The following KIF26B variants were observed in gnomAD, a reference collection of about 807,000 sequenced individuals.
The protein encoded by KIF26B is kinesin family member 26B.
In KIF26B, 63 loss-of-function variants were observed where a neutral mutation model predicts 151.2. That is an observed-to-expected ratio of 0.42 (90% CI 0.34 to 0.51). The LOEUF (loss-of-function observed/expected upper bound fraction) is 0.51. Ranked by LOEUF, KIF26B falls within the 20% of genes least tolerant of loss-of-function variation. KIF26B has a pLI of 0.07. For missense variants in KIF26B, 2,813 were observed against 2,913.6 expected (o/e 0.97, Z 0.79); for synonymous variants, 1,357 against 1,262.1 (o/e 1.08, Z -1.59).
chr1:245,593,399 CT>C (rs1180954301), intron 5 of KIF26B, among the ~76,000 whole-genome samples: 1 of 151,952 alleles, frequency 6.6e-6, no homozygotes, highest in Non-Finnish European at 1.5e-5. Flanking sequence ...TCAACTCCCA[CT>C]TATGAGTGAG....
intron 2 of KIF26B, among the ~76,000 whole-genome samples, chr1:245,196,444 T>C (rs1406328377): frequency 6.6e-6 from 1 of 152,216 alleles, no homozygotes; most frequent in African/African-American, 2.4e-5. Context: ...AGCCCTTCCC[T>C]GGCTCTCCTG....
chr1:245,469,887 A>G (rs780533153), intron 4 of KIF26B, among the ~76,000 whole-genome samples: 10 of 152,152 alleles, frequency 6.6e-5, no homozygotes, highest in Admixed American at 4.6e-4. Flanking sequence ...TGATTGCACA[A>G]TTAAACAGGT....
intron 4 of KIF26B, among the ~76,000 whole-genome samples, chr1:245,480,509 C>T (rs1265773349): frequency 2.0e-5 from 3 of 151,748 alleles, no homozygotes; most frequent in African/African-American, 7.2e-5. Context: ...GTGACATAAA[C>T]AGGCCCTCGT....
At chr1:245,492,504 G>T (rs946460274) in intron 4 of KIF26B, among the ~76,000 whole-genome samples, 2 of 152,146 alleles carry the variant, frequency 1.3e-5, no homozygotes, top group African/African-American at 4.8e-5. Flanking sequence ...GGGTAAATTG[G>T]GCTAAAACAA....
chr1:245,666,591 T>C (rs2044218034), intron 10 of KIF26B, among the ~76,000 whole-genome samples: 1 of 152,064 alleles, frequency 6.6e-6, no homozygotes, highest in South Asian at 2.1e-4. Flanking sequence ...TGCAAAGGAA[T>C]GAGGATGGGA....
intron 10 of KIF26B, among the ~76,000 whole-genome samples, chr1:245,682,404 CTGTA>C (rs2044452224): frequency 6.6e-6 from 1 of 152,178 alleles, no homozygotes; most frequent in Non-Finnish European, 1.5e-5. Flanking sequence ...CAAGAGCTGA[CTGTA>C]TATGATCACA....
intron 2 of KIF26B, among the ~76,000 whole-genome samples, chr1:245,210,528 TGTATTTGGATTATATTGTGGGA>T (rs1669498138): frequency 6.8e-6 from 1 of 148,102 alleles, no homozygotes. Context: ...TTTTTTTTAC[TGTATTTGGATTATATTGTGGGA>T]TTTTTTTCCC....
At chr1:245,323,853 G>A (rs1029104887) in intron 2 of KIF26B, among the ~76,000 whole-genome samples, 1 of 152,208 alleles carries the variant, frequency 6.6e-6, no homozygotes, top group Non-Finnish European at 1.5e-5. Context: ...TGAAGGTGGA[G>A]TTGGTGTGGA....
chr1:245,170,159 G>A lies in KIF26B; in HGVS notation c.465+13476G>A, dbSNP rs190661519. Among the ~76,000 whole-genome samples, 209 of 152,306 alleles carry A rather than the reference G, an allele frequency of 1.4e-3. No individual in the cohort carries two copies. The highest frequency in any genetic ancestry group is 1.9e-3 in the Non-Finnish European group (128 of 68,020). On this transcript the variant is annotated intron_variant, in intron 2 of 14. Coordinates refer to ENST00000407071, the MANE Select transcript of KIF26B (RefSeq NM_018012.4). The surrounding 1 kb of genome is among the most constrained non-coding windows in gnomAD (Gnocchi z 4.4). The stretch of plus-strand genomic sequence containing the variant: ...TGGCGGGATGGGAGATGATGCCTGG[G>A]TGAGTCCTGGAAAGTGCCGTGATGC...
chr1:245,287,358 CTGTT>C (rs1321794913), intron 2 of KIF26B, among the ~76,000 whole-genome samples: 1 of 152,020 alleles, frequency 6.6e-6, no homozygotes, highest in Non-Finnish European at 1.5e-5. Context: ...CAATTGGACA[CTGTT>C]TGCATATTGT....
At chr1:245,212,729 C>A (rs944403189) in intron 2 of KIF26B, among the ~76,000 whole-genome samples, 40 of 152,326 alleles carry the variant, frequency 2.6e-4, no homozygotes, top group African/African-American at 9.1e-4. Flanking sequence ...GCGGCACCGT[C>A]GGGCCCCGAG....
At chr1:245,619,608 A>G (rs2043636506) in intron 9 of KIF26B, among the ~76,000 whole-genome samples, 1 of 149,768 alleles carries the variant, frequency 6.7e-6, no homozygotes, top group Admixed American at 6.6e-5. Context: ...TGTTTCAAAA[A>G]AAAAAAAAAA....
At position 245,572,319 on chromosome 1, in the gene KIF26B, C is replaced by T. The variant is rs72762874; in HGVS notation, c.1351-30258C>T. Among the ~76,000 whole-genome samples, 13 of 152,216 alleles carry T rather than the reference C, an allele frequency of 8.5e-5. No homozygotes were observed. Among genetic ancestry groups the T allele is most frequent in the Admixed American group, 2.6e-4 (4 of 15,288 alleles). ...GGAGGTAGACGTGCTTTTGTGTTTC[C>T]GACACTGAGGACATTGAGGTTCTGG... On this transcript the variant is annotated intron_variant, in intron 5 of 14. Coordinates refer to ENST00000407071, the MANE Select transcript of KIF26B (RefSeq NM_018012.4). The surrounding 1 kb of genome is among the most constrained non-coding windows in gnomAD (Gnocchi z 4.2).
At chr1:245,383,926 C>T (rs772484440) in intron 3 of KIF26B, among the ~76,000 whole-genome samples, 70 of 152,260 alleles carry the variant, frequency 4.6e-4, no homozygotes, top group Non-Finnish European at 9.4e-4. Context: ...CTAAAACTTG[C>T]GGAACGTGTA....
Position 245,283,922 on chromosome 1 carries a change from G to A in KIF26B, c.466-82912G>A, listed in dbSNP as rs542024355. On this transcript the variant is annotated intron_variant, in intron 2 of 14. Coordinates refer to ENST00000407071, the MANE Select transcript of KIF26B (RefSeq NM_018012.4). The stretch of plus-strand genomic sequence containing the variant: ...AGGCTTGTCTCGAACTCCTGACCTT[G>A]TGATCTGCCTGCCTTGGCCTCCCAC... 2.6e-5 allele frequency among the ~76,000 whole-genome samples: 4 copies of A among 152,260 alleles called. No homozygotes were observed. The South Asian group carries it at 8.3e-4, about 32-fold the overall frequency.
At chr1:245,357,573 C>T (rs564019580) in intron 2 of KIF26B, among the ~76,000 whole-genome samples, 1 of 152,284 alleles carries the variant, frequency 6.6e-6, no homozygotes, top group African/African-American at 2.4e-5. Context: ...AAAGCGTACA[C>T]TTTGATATTT....
In KIF26B at chr1:245,239,795, C is replaced by G. The variant is rs1480390014; in HGVS notation, c.465+83112C>G. On this transcript the variant is annotated intron_variant, in intron 2 of 14. Transcript: ENST00000407071. This position sits in a 1 kb window ranked among gnomAD's most constrained non-coding sequence, Gnocchi z 4.3. The stretch of plus-strand genomic sequence containing the variant: ...ACAGGCATGAGCCATTGTGTCCTGA[C>G]CAGTAAAATGATTTTCTGAATGTTT... Among the ~76,000 whole-genome samples, 1 of 152,008 alleles carries G rather than the reference C, an allele frequency of 6.6e-6. No individual in the cohort carries two copies. The highest frequency in any genetic ancestry group is 1.5e-5 in the Non-Finnish European group (1 of 68,012).
At chr1:245,635,297 A>G (rs1329270654) in intron 9 of KIF26B, among the ~76,000 whole-genome samples, 2 of 152,036 alleles carry the variant, frequency 1.3e-5, no homozygotes, top group Non-Finnish European at 2.9e-5. Flanking sequence ...TGTGAACTAC[A>G]GATTCTATTT....
At chr1:245,608,351 A>C (rs1421548646) in intron 7 of KIF26B, among the ~76,000 whole-genome samples, 1 of 152,110 alleles carries the variant, frequency 6.6e-6, no homozygotes, top group Non-Finnish European at 1.5e-5. Flanking sequence ...ATGTTTAGTG[A>C]ATTGAGGAGC....
Sources: allele counts gnomAD v4.1 joint callset (sites outside exome capture counted in the v4.1 genomes callset), GRCh38; gene constraint gnomAD v4.1.1; non-coding constraint Gnocchi (gnomAD v3.1); transcripts MANE v1.5; gene names NCBI Gene and HGNC (gene_info 2026-07-23, HGNC 2026-07-21).